The following IGFALS variants were observed in gnomAD, a reference collection of about 807,000 sequenced individuals.
IGFALS encodes insulin-like growth factor-binding protein complex acid labile subunit.
In IGFALS, 2 loss-of-function variants were observed where a neutral mutation model predicts 2.6. The ratio of observed to expected loss-of-function variants is 0.77; its 90% confidence interval spans 0.32 to 2.44. The LOEUF (loss-of-function observed/expected upper bound fraction) is 2.44. Ranked by LOEUF, IGFALS falls within the 30% of genes most tolerant of loss-of-function variation. The pLI is 0.11. For synonymous variants in IGFALS, 519 were observed against 431.9 expected (o/e 1.20, Z -2.50); for missense variants, 996 against 848.7 (o/e 1.17, Z -2.16).
rs1417078337 is a variant in IGFALS, at chr16:1,791,161, G to A, written c.1257C>T (p.Asp419=). Residue 419 remains aspartate, a synonymous_variant, in exon 2 of 2, where the codon GAC becomes GAT. Transcript: ENST00000215539. ...LSGLRRLFLK[D]NGLVGIEEQS... is the part of the protein sequence containing the mutation. ...GCTCCTCAATGCCCACGAGGCCGTTGTCCTTGAGGAAGAGTCGGCGGAGCC... is the reference window on the plus strand; with the variant it reads ...GCTCCTCAATGCCCACGAGGCCGTTATCCTTGAGGAAGAGTCGGCGGAGCC... 8 of 1,606,886 alleles carry A rather than the reference G, an allele frequency of 5.0e-6. No homozygotes were observed. The highest frequency in any genetic ancestry group is 6.8e-6 in the Non-Finnish European group (8 of 1,179,878).
Position 1,790,840 on chromosome 16 carries a change from C to T in IGFALS, c.1578G>A (p.Pro526=), listed in dbSNP as rs774115726. 39 of 1,566,662 alleles carry T rather than the reference C, an allele frequency of 2.5e-5. No individual in the cohort carries two copies. In the Middle Eastern group the frequency reaches 8.4e-4, roughly 34 times the overall value. ...CCTCCAGCCACAGGCGCTCCAGGCC[C>T]GGGGGCTGCGGCGTGAAGGTCCGCA... ...NSLRTFTPQP[P]GLERLWLEGN... Residue 526 remains proline, a synonymous_variant, in exon 2 of 2, where the codon CCG becomes CCA. Coordinates refer to ENST00000215539, the MANE Select transcript of IGFALS (RefSeq NM_004970.3).
chr16:1,791,668 G>A lies in IGFALS; in HGVS notation c.750C>T (p.Asp250=), dbSNP rs1350765376. 1.9e-6 allele frequency: 3 copies of A among 1,583,416 alleles called. No homozygotes were observed. The highest frequency in any genetic ancestry group is 1.1e-5 in the South Asian group (1 of 87,524). The change falls in exon 2 of 2, where the codon GAC becomes GAT. Residue 250 remains aspartate (D), a synonymous_variant. Coordinates refer to ENST00000215539, the MANE Select transcript of IGFALS (RefSeq NM_004970.3). ...QLPRLQKLYL[D]RNLIAAVAPG... is the part of the protein sequence containing the mutation. The stretch of plus-strand genomic sequence containing the variant: ...GGGCCACGGCAGCGATGAGGTTGCG[G>A]TCCAGGTAGAGTTTCTGGAGCCGGG...
At chr16:1,794,854 C>T (rs1011985957), upstream of IGFALS, 3 of 702,178 alleles carry the variant, frequency 4.3e-6, no homozygotes, top group South Asian at 4.4e-5. Context: ...AGGCCCCGTG[C>T]AGAGCTGTGG....
Position 1,790,536 on chromosome 16 carries a change from C to G in IGFALS, c.*64G>C, listed in dbSNP as rs545820662. On this transcript the variant is annotated 3_prime_UTR_variant, in exon 2 of 2. Transcript: ENST00000215539. Reference sequence around the variant, plus strand: ...GCAGGCCCCTGAGGACACTGAGGACCTGTCCCCAGCACAAGGTGAGCCAGG... The same window carrying G: ...GCAGGCCCCTGAGGACACTGAGGACGTGTCCCCAGCACAAGGTGAGCCAGG... 5.3e-5 allele frequency: 73 copies of G among 1,384,086 alleles called. 1 individual carries two copies. The South Asian group carries it at 8.8e-4, about 17-fold the overall frequency. The allele number at this position is 1,384,086 out of a possible 1,614,324, so 85.7% of individuals were successfully genotyped here.
Position 1,790,837 on chromosome 16 carries a change from G to GC in IGFALS, c.1580dup (p.Leu528ProfsTer9), listed in dbSNP as rs1897203622. 6.4e-7 allele frequency: 1 copy of GC among 1,567,908 alleles called. No individual in the cohort carries two copies. The highest frequency in any genetic ancestry group is 1.4e-5 in the African/African-American group (1 of 73,778). On this transcript the variant is annotated frameshift_variant, in exon 2 of 2. Transcript: ENST00000215539. LOFTEE classifies it low-confidence loss of function (END_TRUNC). ...TACCCTCCAGCCACAGGCGCTCCAG[G>GC]CCCGGGGGCTGCGGCGTGAAGGTCC...
At position 1,790,845 on chromosome 16, in the gene IGFALS, G is replaced by C. The variant is rs771622025; in HGVS notation, c.1573C>G (p.Pro525Ala). 95 of 1,566,440 alleles carry C rather than the reference G, an allele frequency of 6.1e-5. No homozygotes were observed. The South Asian group carries it at 1.1e-3, about 18-fold the overall frequency. Residue 525 changes from proline (P) to alanine (A), a missense_variant, in exon 2 of 2, where the codon CCC becomes GCC. Pro to Ala is a conservative substitution (Grantham distance 27). Transcript: ENST00000215539. ...NNSLRTFTPQ[P>A]PGLERLWLEG... Reference sequence around the variant, plus strand: ...AGCCACAGGCGCTCCAGGCCCGGGGGCTGCGGCGTGAAGGTCCGCAGTGAG... The same window carrying C: ...AGCCACAGGCGCTCCAGGCCCGGGGCCTGCGGCGTGAAGGTCCGCAGTGAG...
At position 1,792,473 on chromosome 16, in the gene IGFALS, C is replaced by T. The variant is rs762088507; in HGVS notation, c.17-72G>A. On this transcript the variant is annotated intron_variant, in intron 1 of 1. Coordinates refer to ENST00000215539, the MANE Select transcript of IGFALS (RefSeq NM_004970.3). Reference sequence around the variant, plus strand: ...CGAGTGAGCCTGATACCAGCACAGCCGGAAGCGGCGCTCAGGTGTGAACTG... The same window carrying T: ...CGAGTGAGCCTGATACCAGCACAGCTGGAAGCGGCGCTCAGGTGTGAACTG... 43 of 1,464,166 alleles carry T rather than the reference C, an allele frequency of 2.9e-5. No homozygotes were observed. The highest frequency in any genetic ancestry group is 5.0e-5 in the Admixed American group (2 of 40,280). The allele number at this position is 1,464,166 out of a possible 1,614,324, so 90.7% of individuals were successfully genotyped here.
In IGFALS at chr16:1,791,938, C is replaced by G. The variant is rs766016255; in HGVS notation, c.480G>C (p.Arg160Ser). Residue 160 changes from arginine to serine, a missense_variant, in exon 2 of 2, where the codon AGG becomes AGC. Arg to Ser is a moderately radical substitution (Grantham distance 110, BLOSUM62 -1). Coordinates refer to ENST00000215539, the MANE Select transcript of IGFALS (RefSeq NM_004970.3). ...SLGLSNNRLS[R>S]LEDGLFEGLG... ...GGCCCTCGAAGAGCCCGTCCTCCAG[C>G]CTGCTCAGACGGTTGTTGCTGAGGC... The G allele has an allele frequency of 5.7e-6, 9 of 1,588,992 alleles. No homozygotes were observed. The Admixed American group carries it at 1.2e-4, about 22-fold the overall frequency.
chr16:1,792,587 A>C, intron 1 of IGFALS, 186 bp from the exon 2 acceptor site: 10 of 1,167,884 alleles, frequency 8.6e-6, no homozygotes, highest in South Asian at 1.7e-5. Flanking sequence ...TTCCCACCCC[A>C]TGGGACAGAG....
upstream of IGFALS, among the ~76,000 whole-genome samples, chr16:1,793,924 C>T (rs181762522): frequency 6.2e-4 from 94 of 152,282 alleles, no homozygotes; most frequent in African/African-American, 1.9e-3. Flanking sequence ...CGGCCAGTGC[C>T]CGGGCCCCCT....
At position 1,792,307 on chromosome 16, in the gene IGFALS, C is replaced by T; in HGVS notation, c.111G>A (p.Glu37=). The T allele has an allele frequency of 1.3e-6, 2 of 1,597,952 alleles. No homozygotes were observed. The highest frequency in any genetic ancestry group is 1.7e-6 in the Non-Finnish European group (2 of 1,178,792). ...CACAGGCGGCCGGGCACGCTGGGCC[C>T]TCGGCTTCCCCCGGCGTTCCGGGGT... ...GADPGTPGEA[E]GPACPAACVC... is the part of the protein sequence containing the mutation. The change falls in exon 2 of 2, where the codon GAG becomes GAA. Residue 37 remains glutamate (E), a synonymous_variant. Transcript: ENST00000215539.
chr16:1,792,265 G>C lies in IGFALS; in HGVS notation c.153C>G (p.Asp51Glu), dbSNP rs747677141. 136 of 1,601,146 alleles carry C rather than the reference G, an allele frequency of 8.5e-5. No individual in the cohort carries two copies. Among genetic ancestry groups the C allele is most frequent in the Non-Finnish European group, 1.1e-4 (130 of 1,179,692 alleles). The change falls in exon 2 of 2, where the codon GAC becomes GAG. Residue 51 changes from aspartate (D) to glutamate (E), a missense_variant. Coordinates refer to ENST00000215539, the MANE Select transcript of IGFALS (RefSeq NM_004970.3). ...CPAACVCSYD[D>E]DADELSVFCS... ...AGAAGACGCTGAGCTCATCCGCGTCGTCATCGTAGCTGCAGACACAGGCGG... is the reference window on the plus strand; with the variant it reads ...AGAAGACGCTGAGCTCATCCGCGTCCTCATCGTAGCTGCAGACACAGGCGG...
intron 1 of IGFALS, among the ~76,000 whole-genome samples, chr16:1,792,966 G>C (rs560519281): frequency 2.6e-5 from 4 of 152,194 alleles, no homozygotes; most frequent in Admixed American, 2.0e-4. Flanking sequence ...CCGGGGCACC[G>C]CCGTCGGGGG....
chr16:1,792,667 G>T (rs752779732), intron 1 of IGFALS, among the ~76,000 whole-genome samples: 1 of 152,236 alleles, frequency 6.6e-6, no homozygotes, highest in South Asian at 2.1e-4. Context: ...GGCCACGTGG[G>T]CTCGGCCAGG....
chr16:1,792,067 C>A lies in IGFALS; in HGVS notation c.351G>T (p.Ala117=). Residue 117 remains alanine, a synonymous_variant, in exon 2 of 2, where the codon GCG becomes GCT. Coordinates refer to ENST00000215539, the MANE Select transcript of IGFALS (RefSeq NM_004970.3). ...GGQLGSLEPQ[A]LLGLENLCHL... is the part of the protein sequence containing the mutation. ...GGCACAGGTTCTCTAGGCCCAGCAG[C>A]GCCTGTGGCTCCAGGCTGCCCAGCT... 1 of 1,609,986 alleles carries A rather than the reference C, an allele frequency of 6.2e-7. No individual in the cohort carries two copies.
rs1897217281 is a variant in IGFALS at position 1,791,231 on chromosome 16, CTGCCCTCCAGGTGCAGGCTGTGCAGCT to C, written c.1160_1186del (p.Lys387_Gly395del). The C allele has an allele frequency of 1.2e-6, 2 of 1,608,398 alleles. No individual in the cohort carries two copies. Among genetic ancestry groups the C allele is most frequent in the African/African-American group, 1.3e-5 (1 of 74,978 alleles). ...GTGCGGGCGGATGCGTCCCAGGCAG[CTGCCCTCCAGGTGCAGGCTGTGCAGCT>C]TGCCCAGGCCCCGGAACACCTGCTC... On this transcript the variant is annotated inframe_deletion, in exon 2 of 2. Transcript: ENST00000215539.
rs571481044 is a variant in IGFALS at position 1,792,068 on chromosome 16, G to C, written c.350C>G (p.Ala117Gly). 1 of 1,609,994 alleles carries C rather than the reference G, an allele frequency of 6.2e-7. No homozygotes were observed. The change falls in exon 2 of 2, where the codon GCG (alanine) becomes GGG (glycine). Residue 117 changes from alanine to glycine, a missense_variant. By Grantham distance (60) the Ala-to-Gly change is moderately conservative. Transcript: ENST00000215539. ...GCACAGGTTCTCTAGGCCCAGCAGCGCCTGTGGCTCCAGGCTGCCCAGCTG... is the reference window on the plus strand; with the variant it reads ...GCACAGGTTCTCTAGGCCCAGCAGCCCCTGTGGCTCCAGGCTGCCCAGCTG... ...GGQLGSLEPQ[A>G]LLGLENLCHL... is the part of the protein sequence containing the mutation.
intron 1 of IGFALS, chr16:1,792,608 C>T (rs965843118): frequency 4.3e-6 from 4 of 936,244 alleles, no homozygotes; most frequent in Non-Finnish European, 4.5e-6. Context: ...GAGTGGCCGC[C>T]CCGCCCCGCT....
At chr16:1,793,467 C>T (rs1160429605) in intron 1 of IGFALS, among the ~76,000 whole-genome samples, 170 bp downstream of exon 1, 1 of 152,094 alleles carries the variant, frequency 6.6e-6, no homozygotes, top group East Asian at 1.9e-4. Flanking sequence ...GTCCCCCTGC[C>T]AACCCCAGCA....
Sources: allele counts gnomAD v4.1 joint callset (sites outside exome capture counted in the v4.1 genomes callset), GRCh38; gene constraint gnomAD v4.1.1; transcripts MANE v1.5; gene names NCBI Gene and HGNC (gene_info 2026-07-23, HGNC 2026-07-21).